The following NFIB variants were observed in gnomAD, a reference collection of about 807,000 sequenced individuals.
NFIB encodes nuclear factor I B.
NFIB carries 11 observed loss-of-function variants against 61.5 expected under a neutral mutation model. The ratio of observed to expected loss-of-function variants is 0.18; its 90% CI spans 0.11 to 0.30. NFIB has a LOEUF of 0.30. Ranked by LOEUF, NFIB falls within the 10% of genes least tolerant of loss-of-function variation. The pLI, the probability that NFIB is intolerant of heterozygous loss-of-function variation, is 1.00. For missense variants in NFIB, 471 were observed against 608.9 expected (o/e 0.77, Z 2.38); for synonymous variants, 260 against 216.5 (o/e 1.20, Z -1.76).
intron 2 of NFIB, among the ~76,000 whole-genome samples, chr9:14,288,881 T>C (rs1323692839): frequency 1.3e-5 from 2 of 151,952 alleles, no homozygotes; most frequent in African/African-American, 4.8e-5. Context: ...TAAATGCATT[T>C]CTCATTTTTT....
chr9:14,275,406 A>G (rs1411858774), intron 2 of NFIB, among the ~76,000 whole-genome samples: 1 of 152,180 alleles, frequency 6.6e-6, no homozygotes, highest in East Asian at 1.9e-4. Flanking sequence ...ATAAAGTCAT[A>G]GTAAGAAGAA....
intron 2 of NFIB, among the ~76,000 whole-genome samples, chr9:14,268,624 T>C (rs1485892487): frequency 1.3e-5 from 2 of 152,242 alleles, no homozygotes; most frequent in African/African-American, 4.8e-5. Flanking sequence ...TTGTGAATTC[T>C]GAATTGCCTC....
intron 2 of NFIB, among the ~76,000 whole-genome samples, chr9:14,190,983 A>G (rs540063730): frequency 1.9e-4 from 29 of 152,300 alleles, no homozygotes; most frequent in Non-Finnish European, 3.7e-4. Context: ...ACCTGAGGTC[A>G]GGAGTTCAAG....
At chr9:14,300,158 G>A in intron 2 of NFIB, 2 of 398,434 alleles carry the variant, frequency 5.0e-6, no homozygotes, top group Non-Finnish European at 8.9e-6. Context: ...AAGGTCCCAA[G>A]AATTTACTTT....
chr9:14,217,107 T>C (rs931028342), intron 2 of NFIB, among the ~76,000 whole-genome samples: 5 of 152,324 alleles, frequency 3.3e-5, no homozygotes, highest in South Asian at 4.1e-4. Context: ...TTATTTTTGG[T>C]ATCAAGGTGG....
At chr9:14,234,033 T>C (rs2053485551) in intron 2 of NFIB, among the ~76,000 whole-genome samples, 1 of 152,312 alleles carries the variant, frequency 6.6e-6, no homozygotes, top group South Asian at 2.1e-4. Context: ...TGTTTTATTG[T>C]GTTACATGTC....
the NFIB span, among the ~76,000 whole-genome samples, chr9:14,411,347 T>G: frequency 3.3e-5 from 5 of 152,196 alleles, no homozygotes; most frequent in Admixed American, 3.3e-4. Context: ...CCATACAATT[T>G]GTCGATTGAT....
chr9:14,497,576 T>C, the NFIB span, among the ~76,000 whole-genome samples: 6 of 152,176 alleles, frequency 3.9e-5, no homozygotes, highest in African/African-American at 1.4e-4. Flanking sequence ...TCAAATGCCA[T>C]CTTATAGCAA....
chr9:14,352,063 G>A (rs915880348), intron 1 of NFIB, among the ~76,000 whole-genome samples: 4 of 152,054 alleles, frequency 2.6e-5, no homozygotes, highest in African/African-American at 4.8e-5. Context: ...ACCAGACCAC[G>A]TACCATGCCA....
chr9:14,484,482 AT>A, the NFIB span, among the ~76,000 whole-genome samples: 1 of 152,320 alleles, frequency 6.6e-6, no homozygotes, highest in African/African-American at 2.4e-5. Flanking sequence ...CTGCTGCAAA[AT>A]ATGTGTTTTT....
intron 2 of NFIB, among the ~76,000 whole-genome samples, chr9:14,235,670 G>A (rs1048106250): frequency 2.0e-5 from 3 of 152,134 alleles, no homozygotes; most frequent in African/African-American, 7.2e-5. Flanking sequence ...TAATCTTCAC[G>A]TACTGCTGAA....
At chr9:14,142,325 C>T (rs2041824848) in intron 6 of NFIB, among the ~76,000 whole-genome samples, 3 of 152,142 alleles carry the variant, frequency 2.0e-5, no homozygotes, top group Non-Finnish European at 1.5e-5. Context: ...CACAAGCTCT[C>T]TCTTTGCCTG....
chr9:14,121,524 G>T (rs2038941025), intron 7 of NFIB, among the ~76,000 whole-genome samples: 1 of 152,154 alleles, frequency 6.6e-6, no homozygotes, highest in Non-Finnish European at 1.5e-5. Context: ...ATAATTGTCT[G>T]GTCATGGTAT....
At position 14,307,308 on chromosome 9, in the gene NFIB, G is replaced by A; in HGVS notation, c.243C>T (p.Arg81=). The change falls in exon 2 of 11, where the codon CGC becomes CGT. Residue 81 remains arginine, a synonymous_variant. Transcript: ENST00000380953. The surrounding 1 kb of genome is among the most constrained non-coding windows in gnomAD (Gnocchi z 5.3). ...CTCGATACTCCTGGCGAATATCTTT[G>A]CGCAGTTTGGCAAGGAGCCTGGATG... ...KWASRLLAKL[R]KDIRQEYRED... 6.2e-7 allele frequency: 1 copy of A among 1,614,042 alleles called. No individual in the cohort carries two copies. Among genetic ancestry groups the A allele is most frequent in the Non-Finnish European group, 8.5e-7 (1 of 1,179,978 alleles).
intron 2 of NFIB, 149 bp from the exon 3 acceptor site, chr9:14,179,929 A>C: frequency 1.5e-6 from 1 of 663,944 alleles, no homozygotes. Context: ...TTTGATAGAA[A>C]CATTTTACTC....
intron 2 of NFIB, among the ~76,000 whole-genome samples, chr9:14,257,837 G>T (rs185182780): frequency 9.4e-4 from 143 of 152,202 alleles, no homozygotes; most frequent in African/African-American, 3.3e-3. Context: ...CCTTGTCATT[G>T]AATTTATTAA....
chr9:14,113,647 C>T (rs775143500), intron 9 of NFIB, among the ~76,000 whole-genome samples: 17 of 151,962 alleles, frequency 1.1e-4, no homozygotes, highest in Non-Finnish European at 1.6e-4. Flanking sequence ...TGAATCAGCT[C>T]GGTATTTTAC....
chr9:14,186,904 G>A (rs767988082), intron 2 of NFIB, among the ~76,000 whole-genome samples: 55 of 151,966 alleles, frequency 3.6e-4, no homozygotes, highest in Non-Finnish European at 1.5e-4. Flanking sequence ...ATAAGACAAC[G>A]AAAGAACATG....
chr9:14,429,727 A>G, the NFIB span, among the ~76,000 whole-genome samples: 1 of 152,148 alleles, frequency 6.6e-6, no homozygotes, highest in South Asian at 2.1e-4. Flanking sequence ...AGTGTCCTGC[A>G]CCTTAGGAGC....
Sources: gnomAD v4.1 joint callset for allele counts (sites outside exome capture counted in the v4.1 genomes callset) on GRCh38, gnomAD v4.1.1 for gene constraint, Gnocchi (gnomAD v3.1) non-coding constraint, MANE v1.5 for transcripts, NCBI Gene and HGNC (gene_info 2026-07-23, HGNC 2026-07-21) for gene names.